Variants in HEMK2 observed in about 807,000 individuals in gnomAD.
The protein encoded by HEMK2 is HemK methyltransferase 2, ETF1 glutamine and histone H4 lysine.
the HEMK2 span, among the ~76,000 whole-genome samples, chr21:28,656,756 A>G: frequency 6.6e-6 from 1 of 152,096 alleles, no homozygotes; most frequent in African/African-American, 2.4e-5. Flanking sequence ...TTCTAAATAC[A>G]AAGCAAGATA....
chr21:28,871,221 G>A, the HEMK2 span, among the ~76,000 whole-genome samples: 1 of 152,116 alleles, frequency 6.6e-6, no homozygotes, highest in Non-Finnish European at 1.5e-5. Flanking sequence ...CCTGAGACTG[G>A]GTAAAGAAAA....
the HEMK2 span, among the ~76,000 whole-genome samples, chr21:28,736,108 C>A: frequency 5.3e-5 from 8 of 152,310 alleles, no homozygotes; most frequent in Middle Eastern, 0.01. Flanking sequence ...AGATCGACAC[C>A]AGATTTTGCA....
At chr21:28,876,119 A>G in the HEMK2 span, 1 of 247,788 alleles carries the variant, frequency 4.0e-6, no homozygotes, top group Non-Finnish European at 7.6e-6. Context: ...TGCCAGATCA[A>G]TTCCATTGCC....
the HEMK2 span, among the ~76,000 whole-genome samples, chr21:28,808,983 T>C: frequency 6.6e-6 from 1 of 152,188 alleles, no homozygotes; most frequent in African/African-American, 2.4e-5. Flanking sequence ...ATTTCAGTCA[T>C]CAAATTTTAC....
chr21:28,665,366 A>AT, the HEMK2 span, among the ~76,000 whole-genome samples: 5 of 38,236 alleles, frequency 1.3e-4, no homozygotes, highest in Admixed American at 2.9e-4. Flanking sequence ...TTACTTTTTA[A>AT]TTTTCTTTTT....
chr21:28,686,271 G>C, the HEMK2 span, among the ~76,000 whole-genome samples: 2 of 152,054 alleles, frequency 1.3e-5, no homozygotes, highest in Non-Finnish European at 2.9e-5. Flanking sequence ...TTGTGCTCTT[G>C]TTGCCCAGGC....
chr21:28,853,204 G>C, the HEMK2 span, among the ~76,000 whole-genome samples: 11,523 of 152,190 alleles, frequency 0.076, 511 homozygotes, highest in African/African-American at 0.11. Context: ...ATCTCCCTAA[G>C]CCTTTGGATC....
the HEMK2 span, among the ~76,000 whole-genome samples, chr21:28,837,628 T>C: frequency 6.6e-6 from 1 of 151,668 alleles, no homozygotes; most frequent in Non-Finnish European, 1.5e-5. Context: ...AGGTCACACC[T>C]AAAGAAACTA....
chr21:28,707,682 CTA>C, the HEMK2 span, among the ~76,000 whole-genome samples: 1 of 150,874 alleles, frequency 6.6e-6, no homozygotes, highest in Non-Finnish European at 1.5e-5. Context: ...AACTATCCTA[CTA>C]TATATATATA....
the HEMK2 span, among the ~76,000 whole-genome samples, chr21:28,868,224 G>A: frequency 6.6e-6 from 1 of 152,096 alleles, no homozygotes; most frequent in East Asian, 1.9e-4. Context: ...CTATTATCTA[G>A]GAGTGTCTAG....
chr21:28,771,523 C>G, the HEMK2 span, among the ~76,000 whole-genome samples: 1 of 106,182 alleles, frequency 9.4e-6, no homozygotes, highest in African/African-American at 3.8e-5. Flanking sequence ...GCACCACCCC[C>G]CCCCGCCAAA....
At chr21:28,669,868 G>C in the HEMK2 span, among the ~76,000 whole-genome samples, 5 of 152,170 alleles carry the variant, frequency 3.3e-5, no homozygotes, top group Admixed American at 1.3e-4. Flanking sequence ...TTGGGTAGCA[G>C]GAGTGGGAAC....
chr21:28,611,768 C>T, the HEMK2 span, among the ~76,000 whole-genome samples: 1 of 151,902 alleles, frequency 6.6e-6, no homozygotes, highest in African/African-American at 2.4e-5. Flanking sequence ...ATTAGCTGTG[C>T]ATGGTGGTGG....
At chr21:28,620,655 C>CTTTTTTTTTTTTTTT in the HEMK2 span, among the ~76,000 whole-genome samples, 2 of 65,544 alleles carry the variant, frequency 3.1e-5, no homozygotes, top group Non-Finnish European at 5.8e-5. Context: ...ATTCTTCTCT[C>CTTTTTTTTTTTTTTT]TTTTCTTTTT....
At chr21:28,752,972 G>A in the HEMK2 span, among the ~76,000 whole-genome samples, 23 of 152,256 alleles carry the variant, frequency 1.5e-4, no homozygotes, top group African/African-American at 5.1e-4. Context: ...CATGAACCAC[G>A]AATGGTTCTT....
the HEMK2 span, among the ~76,000 whole-genome samples, chr21:28,759,452 G>A: frequency 5.3e-5 from 8 of 152,124 alleles, no homozygotes; most frequent in Admixed American, 1.3e-4. Context: ...AGGCTCATCG[G>A]CAGAAGGGAC....
the HEMK2 span, among the ~76,000 whole-genome samples, chr21:28,715,712 G>A: frequency 6.6e-6 from 1 of 152,036 alleles, no homozygotes; most frequent in Non-Finnish European, 1.5e-5. Context: ...TAAACTCTTT[G>A]CCAAGGCTTA....
At chr21:28,729,269 A>G in the HEMK2 span, among the ~76,000 whole-genome samples, 2 of 152,188 alleles carry the variant, frequency 1.3e-5, no homozygotes, top group African/African-American at 4.8e-5. Flanking sequence ...CTTTGCATGC[A>G]CTTGAGATGT....
chr21:28,692,663 T>C, the HEMK2 span, among the ~76,000 whole-genome samples: 1 of 152,190 alleles, frequency 6.6e-6, no homozygotes, highest in Admixed American at 6.5e-5. Context: ...TTCAATAAAA[T>C]ACATTTAAAT....
Sources: allele counts gnomAD v4.1 joint callset (sites outside exome capture counted in the v4.1 genomes callset), GRCh38; gene constraint gnomAD v4.1.1; transcripts MANE v1.5; gene names NCBI Gene and HGNC (gene_info 2026-07-23, HGNC 2026-07-21).